The following CDC42BPA variants were observed in gnomAD, a reference collection of about 807,000 sequenced individuals.
CDC42BPA encodes the protein serine/threonine-protein kinase MRCK alpha.
In CDC42BPA, 80 loss-of-function variants were observed where a neutral mutation model predicts 223.5. That is an observed-to-expected ratio of 0.36 (90% CI 0.30 to 0.43). CDC42BPA has a LOEUF of 0.43. Ranked by LOEUF, CDC42BPA falls within the 20% of genes least tolerant of loss-of-function variation. The pLI is 1.00. For missense variants in CDC42BPA, 1,743 were observed against 2,099.9 expected (o/e 0.83, Z 3.32); for synonymous variants, 694 against 718.6 (o/e 0.97, Z 0.55).
intron 23 of CDC42BPA, among the ~76,000 whole-genome samples, chr1:227,042,215 A>G (rs1308163809): frequency 6.6e-6 from 1 of 151,876 alleles, no homozygotes; most frequent in Non-Finnish European, 1.5e-5. Flanking sequence ...TACCTGAAAC[A>G]GTAGCAATGA....
At chr1:227,225,696 TC>T (rs1329344301) in intron 2 of CDC42BPA, among the ~76,000 whole-genome samples, 1 of 152,244 alleles carries the variant, frequency 6.6e-6, no homozygotes, top group Non-Finnish European at 1.5e-5. Flanking sequence ...CTGATTTCTT[TC>T]TGCCGCAATT....
intron 2 of CDC42BPA, among the ~76,000 whole-genome samples, chr1:227,221,029 TCAAA>T (rs1469173205): frequency 6.6e-6 from 1 of 152,214 alleles, no homozygotes; most frequent in African/African-American, 2.4e-5. Flanking sequence ...TCAACCTCTT[TCAAA>T]CACCTATTTC....
chr1:227,089,015 T>C (rs778493649), intron 16 of CDC42BPA, among the ~76,000 whole-genome samples: 30 of 152,292 alleles, frequency 2.0e-4, no homozygotes, highest in Non-Finnish European at 3.2e-4. Context: ...TGTGAGCCAC[T>C]GTGCCCAGCT....
chr1:227,271,567 T>A (rs1333574616), intron 1 of CDC42BPA, among the ~76,000 whole-genome samples: 1 of 152,098 alleles, frequency 6.6e-6, no homozygotes, highest in African/African-American at 2.4e-5. Context: ...GATAGATATA[T>A]TCTTTATTGG....
chr1:227,276,588 CCTT>C (rs1360069683), intron 1 of CDC42BPA, among the ~76,000 whole-genome samples: 3 of 152,176 alleles, frequency 2.0e-5, no homozygotes, highest in Admixed American at 6.5e-5. Context: ...CCCAACAGCT[CCTT>C]GAGAGCGGGC....
rs1671155528 is a variant in CDC42BPA at position 227,040,507 on chromosome 1, TG to T, written c.3094-272del. Among the ~76,000 whole-genome samples, 5 of 152,274 alleles carry T rather than the reference TG, an allele frequency of 3.3e-5. No individual in the cohort carries two copies. The South Asian group carries it at 1.0e-3, about 32-fold the overall frequency. ...TATATAAAATAAACAATAGCTTTTT[TG>T]GGGGGCTCATAAATCTTAGCTTCAG... On this transcript the variant is annotated intron_variant, in intron 23 of 36. Coordinates refer to ENST00000366766, the MANE Select transcript of CDC42BPA (RefSeq NM_001394014.1).
intron 5 of CDC42BPA, among the ~76,000 whole-genome samples, chr1:227,180,187 C>T (rs532657686): frequency 5.9e-5 from 9 of 152,230 alleles, no homozygotes; most frequent in African/African-American, 2.2e-4. Context: ...GCCTGGGTGA[C>T]AGAGTGAGAT....
intron 5 of CDC42BPA, among the ~76,000 whole-genome samples, chr1:227,192,551 G>A (rs923027151): frequency 1.3e-5 from 2 of 152,258 alleles, no homozygotes; most frequent in South Asian, 4.1e-4. Context: ...CTTCTCCTCA[G>A]CATCTTTCTC....
chr1:227,048,967 A>C, intron 22 of CDC42BPA, among the ~76,000 whole-genome samples: 1 of 151,960 alleles, frequency 6.6e-6, no homozygotes, highest in East Asian at 1.9e-4. Context: ...CTCCAAAAAC[A>C]GAATATTTTA....
rs777283757 is a variant in CDC42BPA, at chr1:227,080,964, CTCT to C, written c.2406_2408del (p.Glu803del). On this transcript the variant is annotated inframe_deletion, in exon 17 of 37. Coordinates refer to ENST00000366766, the MANE Select transcript of CDC42BPA (RefSeq NM_001394014.1). ...CTTTCTTGTCTGCTAGATCTTTAACCTCTTCTTCTAACTGCTGGTTGTGTATAC... is the reference window on the plus strand; with the variant it reads ...CTTTCTTGTCTGCTAGATCTTTAACCTCTTCTAACTGCTGGTTGTGTATAC... 13 of 1,613,548 alleles carry C rather than the reference CTCT, an allele frequency of 8.1e-6. No homozygotes were observed. Among genetic ancestry groups the C allele is most frequent in the Non-Finnish European group, 1.0e-5 (12 of 1,179,654 alleles).
intron 1 of CDC42BPA, among the ~76,000 whole-genome samples, chr1:227,259,028 A>G (rs1683593623): frequency 6.6e-6 from 1 of 151,158 alleles, no homozygotes; most frequent in Non-Finnish European, 1.5e-5. Context: ...GATATTTCAC[A>G]AAGTACTACA....
chr1:227,243,591 G>C (rs1345714743), intron 2 of CDC42BPA, among the ~76,000 whole-genome samples: 2 of 152,026 alleles, frequency 1.3e-5, no homozygotes, highest in Non-Finnish European at 2.9e-5. Context: ...TTAATTATTG[G>C]AAAATATGTT....
intron 5 of CDC42BPA, among the ~76,000 whole-genome samples, chr1:227,165,889 A>C (rs1311122241): frequency 6.6e-6 from 1 of 152,314 alleles, no homozygotes; most frequent in South Asian, 2.1e-4. Flanking sequence ...TTTTTGTATT[A>C]GTTTTTTCTT....
rs977222677 is a variant in CDC42BPA, at chr1:227,259,990, G to C, written c.179-5835C>G. Among the ~76,000 whole-genome samples, 27 of 149,696 alleles carry C rather than the reference G, an allele frequency of 1.8e-4. 2 individuals are homozygous for C. Among genetic ancestry groups the C allele is most frequent in the African/African-American group, 6.8e-4 (27 of 39,578 alleles). On this transcript the variant is annotated intron_variant, in intron 1 of 36. Coordinates refer to ENST00000366766, the MANE Select transcript of CDC42BPA (RefSeq NM_001394014.1). ...AATCTTAGCAGGCATTATTTTATTG[G>C]GAGCCATCTAAGCCAAGTACCATAC...
chr1:227,133,905 T>C (rs915467958), intron 10 of CDC42BPA, among the ~76,000 whole-genome samples: 6 of 151,578 alleles, frequency 4.0e-5, no homozygotes, highest in African/African-American at 7.3e-5. Flanking sequence ...CCCTCCACTA[T>C]TGTCCTATGA....
At chr1:227,025,766 GAAGAT>G (rs1348262168) in intron 31 of CDC42BPA, among the ~76,000 whole-genome samples, 2 of 152,216 alleles carry the variant, frequency 1.3e-5, no homozygotes, top group South Asian at 2.1e-4. Context: ...TCCAAAAGTA[GAAGAT>G]AACACTGACA....
intron 2 of CDC42BPA, among the ~76,000 whole-genome samples, chr1:227,240,970 C>T (rs896591007): frequency 6.6e-6 from 1 of 151,814 alleles, no homozygotes; most frequent in Non-Finnish European, 1.5e-5. Context: ...GAAAATATTG[C>T]TAAAACATCT....
Position 227,142,957 on chromosome 1 carries a change from T to C in CDC42BPA, c.1211A>G (p.Tyr404Cys). ...GHHLPFVGFTYTSSCVLSDRS... is the reference protein window; with the variant it reads ...GHHLPFVGFTCTSSCVLSDRS... ...TTTTCAAACTTACCAGCTACTAGTA[T>C]ATGTAAAACCAACAAATGGCAGATG... is the stretch of plus-strand genomic sequence containing the variant. Residue 404 changes from tyrosine to cysteine, a missense_variant, in exon 9 of 37, where the codon TAT (tyrosine) becomes TGT (cysteine). By Grantham distance (194) the Tyr-to-Cys change is radical (BLOSUM62 -2). This residue lies in a region of CDC42BPA where 464 missense variants were observed against 488.0 expected (regional missense o/e 0.95). Coordinates refer to ENST00000366766, the MANE Select transcript of CDC42BPA (RefSeq NM_001394014.1). 1 of 1,552,164 alleles carries C rather than the reference T, an allele frequency of 6.4e-7. No individual in the cohort carries two copies. The highest frequency in any genetic ancestry group is 8.6e-7 in the Non-Finnish European group (1 of 1,156,146).
At chr1:227,165,984 T>A (rs1358839426) in intron 5 of CDC42BPA, among the ~76,000 whole-genome samples, 1 of 152,188 alleles carries the variant, frequency 6.6e-6, no homozygotes, top group Non-Finnish European at 1.5e-5. Context: ...TCAAAGAATA[T>A]GAAAATGTTT....
Sources: gnomAD v4.1 joint callset for allele counts (sites outside exome capture counted in the v4.1 genomes callset) on GRCh38, gnomAD v4.1.1 for gene constraint, gnomAD v4.1.1 regional missense constraint, MANE v1.5 for transcripts, NCBI Gene and HGNC (gene_info 2026-07-23, HGNC 2026-07-21) for gene names.